THSD4: variants seen among roughly 807,000 people sequenced by gnomAD.
The protein encoded by THSD4 is thrombospondin type-1 domain-containing protein 4.
In THSD4, 69 loss-of-function variants were observed where a neutral mutation model predicts 119.0. That is an observed-to-expected ratio of 0.58 (90% CI 0.48 to 0.71). The LOEUF (loss-of-function observed/expected upper bound fraction) is 0.71. Ranked by LOEUF, THSD4 falls within the 30% of genes least tolerant of loss-of-function variation. The pLI is 0.00. For synonymous variants in THSD4, 524 were observed against 540.4 expected (o/e 0.97, Z 0.42); for missense variants, 1,393 against 1,391.1 (o/e 1.00, Z -0.02).
Position 71,593,232 on chromosome 15 carries a change from G to A in THSD4, c.1153-67298G>A, listed in dbSNP as rs1216415847. ...GAGGTCAGGAGATCGAGACCATCCCGGCTAAAACGGTGAAACCCCGTCTCT... is the reference window on the plus strand; with the variant it reads ...GAGGTCAGGAGATCGAGACCATCCCAGCTAAAACGGTGAAACCCCGTCTCT... On this transcript the variant is annotated intron_variant, in intron 7 of 17. Transcript: ENST00000261862. Among the ~76,000 whole-genome samples, 2 of 7,884 alleles carry A rather than the reference G, an allele frequency of 2.5e-4. 1 individual carries two copies. Among genetic ancestry groups the A allele is most frequent in the African/African-American group, 3.5e-4 (2 of 5,638 alleles). The allele number at this position is 7,884 out of a possible 152,430, so 5.2% of individuals were successfully genotyped here. A position where few individuals can be genotyped will look rare whatever the true frequency, so the allele number is the denominator to read the frequency against.
In THSD4 at chr15:71,276,475, G is replaced by A. The variant is rs565076300; in HGVS notation, c.1015+19760G>A. Among the ~76,000 whole-genome samples the A allele has an allele frequency of 1.0e-3, 157 of 152,294 alleles. 5 individuals carry two copies. The South Asian group carries it at 0.032, about 31-fold the overall frequency. On this transcript the variant is annotated intron_variant, in intron 6 of 17. Coordinates refer to ENST00000261862, the MANE Select transcript of THSD4 (RefSeq NM_024817.3). The stretch of plus-strand genomic sequence containing the variant: ...TCTCCTCACCTGTGTGAGCTCTGAT[G>A]TGCTGGGCTTGGAAACAAGGAATGT...
intron 15 of THSD4, among the ~76,000 whole-genome samples, chr15:71,763,554 A>ATTTTTTT (rs10647138): frequency 0.066 from 9,578 of 144,920 alleles, 1,067 homozygotes; most frequent in African/African-American, 0.23. Flanking sequence ...CTAAAAACAA[A>ATTTTTTT]TTTTTTTTTT....
At chr15:71,116,133 C>G (rs1392121156) in intron 1 of THSD4, among the ~76,000 whole-genome samples, 1 of 152,182 alleles carries the variant, frequency 6.6e-6, no homozygotes, top group Admixed American at 6.5e-5. Flanking sequence ...GCCTGGGGCC[C>G]GAGAGCCGGG....
At chr15:71,290,875 CT>C (rs11438956) in intron 6 of THSD4, among the ~76,000 whole-genome samples, 7,558 of 129,450 alleles carry the variant, frequency 0.058, 174 homozygotes, top group South Asian at 0.11. Context: ...TCCTTTTTTC[CT>C]TTTTTTTTTT....
chr15:71,448,578 A>G (rs897707809), intron 7 of THSD4, among the ~76,000 whole-genome samples: 3 of 152,204 alleles, frequency 2.0e-5, no homozygotes, highest in Non-Finnish European at 4.4e-5. Flanking sequence ...TTTTGTGGAT[A>G]CATAGTAGGT....
At chr15:71,654,768 A>G (rs543924697) in intron 7 of THSD4, among the ~76,000 whole-genome samples, 3 of 152,226 alleles carry the variant, frequency 2.0e-5, no homozygotes, top group Admixed American at 1.3e-4. Flanking sequence ...CTGTTCTACC[A>G]GCATGATTAT....
intron 15 of THSD4, among the ~76,000 whole-genome samples, chr15:71,759,253 A>G (rs2053593042): frequency 6.6e-6 from 1 of 152,236 alleles, no homozygotes; most frequent in Admixed American, 6.5e-5. Context: ...TTTTTAAAAT[A>G]TAGAGAATTC....
chr15:71,557,897 A>G (rs149511924), intron 7 of THSD4, among the ~76,000 whole-genome samples: 43 of 152,242 alleles, frequency 2.8e-4, no homozygotes, highest in African/African-American at 6.5e-4. Context: ...TGTAAATTTT[A>G]CTAATCTTCA....
chr15:71,708,000 C>T (rs1339449157), intron 8 of THSD4, among the ~76,000 whole-genome samples: 1 of 152,180 alleles, frequency 6.6e-6, no homozygotes, highest in Non-Finnish European at 1.5e-5. Context: ...AGAAGCTGCA[C>T]CATCTTTTAG....
At chr15:71,315,290 C>A (rs1293587796) in intron 6 of THSD4, among the ~76,000 whole-genome samples, 1 of 152,266 alleles carries the variant, frequency 6.6e-6, no homozygotes, top group Non-Finnish European at 1.5e-5. Context: ...GGCTTTCAGC[C>A]AGTCTGTATC....
chr15:71,288,920 A>G (rs1026873439), intron 6 of THSD4, among the ~76,000 whole-genome samples: 2 of 152,306 alleles, frequency 1.3e-5, no homozygotes, highest in South Asian at 2.1e-4. Flanking sequence ...ATAACACTCA[A>G]TGGACAAATC....
At chr15:71,415,683 C>T (rs935523850) in intron 7 of THSD4, among the ~76,000 whole-genome samples, 8 of 152,122 alleles carry the variant, frequency 5.3e-5, no homozygotes. Context: ...CCTTTAACCC[C>T]CAACTACCCT....
At chr15:71,682,892 CTTTCTTTCTTTCT>C (rs1341863593) in intron 8 of THSD4, among the ~76,000 whole-genome samples, 90 of 4,898 alleles carry the variant, frequency 0.018, 2 homozygotes, top group African/African-American at 0.036. Context: ...TTCTTTCTTT[CTTTCTTTCTTTCT>C]TTCTTCTTCT....
intron 7 of THSD4, among the ~76,000 whole-genome samples, chr15:71,607,458 A>T (rs1406248813): frequency 6.6e-6 from 1 of 152,222 alleles, no homozygotes; most frequent in Non-Finnish European, 1.5e-5. Flanking sequence ...ACACTTGAGG[A>T]TTCAAAGGTG....
At chr15:71,252,986 T>C (rs1212935484) in intron 5 of THSD4, among the ~76,000 whole-genome samples, 1 of 152,236 alleles carries the variant, frequency 6.6e-6, no homozygotes, top group African/African-American at 2.4e-5. Flanking sequence ...TGCATTTCTC[T>C]GGCCACATCC....
At chr15:71,700,583 T>C (rs1243424607) in intron 8 of THSD4, among the ~76,000 whole-genome samples, 1 of 152,120 alleles carries the variant, frequency 6.6e-6, no homozygotes, top group African/African-American at 2.4e-5. Context: ...TTAAAATTCA[T>C]CTAGAAGAGC....
intron 8 of THSD4, among the ~76,000 whole-genome samples, chr15:71,702,756 C>G (rs1413911143): frequency 6.6e-6 from 1 of 152,198 alleles, no homozygotes; most frequent in Non-Finnish European, 1.5e-5. Flanking sequence ...AAGGCTGGCT[C>G]TTTCCACACA....
intron 5 of THSD4, among the ~76,000 whole-genome samples, chr15:71,246,322 C>T (rs1340934898): frequency 6.6e-6 from 1 of 152,102 alleles, no homozygotes; most frequent in South Asian, 2.1e-4. Flanking sequence ...AAGATCTCCC[C>T]TATCTGAACA....
intron 2 of THSD4, among the ~76,000 whole-genome samples, chr15:71,144,661 C>A (rs1039321674): frequency 1.3e-5 from 2 of 152,118 alleles, no homozygotes; most frequent in African/African-American, 4.8e-5. Context: ...AAACAGAAAA[C>A]CAGCTTCCTT....
Sources: gnomAD v4.1 joint callset for allele counts (sites outside exome capture counted in the v4.1 genomes callset) on GRCh38, gnomAD v4.1.1 for gene constraint, MANE v1.5 for transcripts, NCBI Gene and HGNC (gene_info 2026-07-23, HGNC 2026-07-21) for gene names.